Variants in NEBL observed in about 807,000 individuals in gnomAD.
The protein encoded by NEBL is nebulette, also known as LIM and SH3 protein 2.
A neutral mutation model predicts 140.2 loss-of-function variants in NEBL; 122 were observed. The observed-to-expected ratio is 0.87, with a 90% CI of 0.75 to 1.01. The LOEUF is 1.01. Ranked by LOEUF, NEBL falls within the 50% of genes least tolerant of loss-of-function variation. The pLI is 0.00. For synonymous variants in NEBL, 436 were observed against 398.9 expected, an observed-to-expected ratio of 1.09 and a Z score of -1.11; for missense variants, 1,365 against 1,231.3, an observed-to-expected ratio of 1.11 and a Z score of -1.62.
chr10:21,141,154 T>A (rs1020367698), intron 2 of NEBL, among the ~76,000 whole-genome samples: 2 of 151,814 alleles, frequency 1.3e-5, no homozygotes, highest in Non-Finnish European at 2.9e-5. Context: ...CAAAAAGACA[T>A]GAAACAATAA....
intron 3 of NEBL, among the ~76,000 whole-genome samples, chr10:21,192,135 T>C (rs991590033): frequency 2.0e-5 from 3 of 152,168 alleles, no homozygotes; most frequent in African/African-American, 7.2e-5. Context: ...GGCAATGCAA[T>C]TTCTAGACAC....
intron 4 of NEBL, among the ~76,000 whole-genome samples, chr10:20,920,552 C>A (rs1029222761): frequency 5.3e-5 from 8 of 152,102 alleles, no homozygotes; most frequent in African/African-American, 1.9e-4. Context: ...TGTAAATTAC[C>A]ATTTGGTTAA....
chr10:20,798,042 C>T (rs1015203017), intron 26 of NEBL, among the ~76,000 whole-genome samples: 1 of 150,572 alleles, frequency 6.6e-6, no homozygotes, highest in Admixed American at 6.6e-5. Flanking sequence ...GTTAGAGGTG[C>T]AGTGAGCTAG....
At position 20,926,468 on chromosome 10, in the gene NEBL, A is replaced by T. The variant is rs562379556; in HGVS notation, c.357+35204T>A. Reference sequence around the variant, plus strand: ...TATCAAACATTTTGGCTTATAAACCATGTGCCTGATGCTCTGCCTATACCT... The same window carrying T: ...TATCAAACATTTTGGCTTATAAACCTTGTGCCTGATGCTCTGCCTATACCT... On this transcript the variant is annotated intron_variant, in intron 4 of 6. Transcript: ENST00000417816. Among the ~76,000 whole-genome samples the T allele has an allele frequency of 3.3e-5, 5 of 152,312 alleles. No individual in the cohort carries two copies. In the East Asian group the frequency reaches 7.7e-4, roughly 24 times the overall value.
chr10:20,870,894 T>G (rs1296881233), intron 5 of NEBL, among the ~76,000 whole-genome samples: 1 of 152,194 alleles, frequency 6.6e-6, no homozygotes, highest in Non-Finnish European at 1.5e-5. Flanking sequence ...TGACTGACAA[T>G]TGGAAAGAGA....
At chr10:20,921,292 G>A (rs1413003631) in intron 4 of NEBL, among the ~76,000 whole-genome samples, 1 of 152,014 alleles carries the variant, frequency 6.6e-6, no homozygotes, top group African/African-American at 2.4e-5. Context: ...TTTGCCTCCG[G>A]CCCAGCTCCA....
chr10:20,994,663 G>A (rs376934491), intron 3 of NEBL, among the ~76,000 whole-genome samples: 16 of 152,246 alleles, frequency 1.1e-4, no homozygotes, highest in African/African-American at 3.6e-4. Context: ...GCTATTCACT[G>A]GAAGCTTTAC....
chr10:21,227,727 TTC>T (rs1488453012), intron 3 of NEBL, among the ~76,000 whole-genome samples: 25 of 111,752 alleles, frequency 2.2e-4, no homozygotes, highest in African/African-American at 7.4e-4. Flanking sequence ...CTTCTTCTTC[TTC>T]TTCTTCTTCT....
chr10:21,198,303 A>G (rs1030171997), intron 3 of NEBL, among the ~76,000 whole-genome samples: 15 of 152,174 alleles, frequency 9.9e-5, no homozygotes, highest in Non-Finnish European at 1.9e-4. Flanking sequence ...GACCTTTTCC[A>G]TATCTTTAGG....
intron 13 of NEBL, among the ~76,000 whole-genome samples, chr10:20,837,831 C>G (rs1841039781): frequency 6.6e-6 from 1 of 152,164 alleles, no homozygotes; most frequent in Admixed American, 6.5e-5. Context: ...TATGCTAAAT[C>G]TACTCTGCCT....
chr10:21,040,471 G>A (rs1435490998), intron 2 of NEBL, among the ~76,000 whole-genome samples: 6 of 152,200 alleles, frequency 3.9e-5, no homozygotes, highest in Non-Finnish European at 8.8e-5. Context: ...GGGGGAGCAG[G>A]TATGTTACCT....
At chr10:21,066,819 T>C (rs1835569544) in intron 2 of NEBL, among the ~76,000 whole-genome samples, 1 of 90,526 alleles carries the variant, frequency 1.1e-5, no homozygotes, top group South Asian at 4.3e-4. Flanking sequence ...TCTTACATTG[T>C]TCTGCGGTTT....
intron 2 of NEBL, among the ~76,000 whole-genome samples, chr10:21,085,499 G>A (rs982197032): frequency 6.6e-6 from 1 of 152,248 alleles, no homozygotes; most frequent in African/African-American, 2.4e-5. Context: ...GCCAAGCATA[G>A]TGGTGCACAC....
intron 2 of NEBL, among the ~76,000 whole-genome samples, chr10:21,104,495 A>G (rs907879556): frequency 2.6e-5 from 4 of 152,194 alleles, no homozygotes; most frequent in Admixed American, 6.5e-5. Flanking sequence ...TGATGCTATC[A>G]TAAATTGTAT....
intron 4 of NEBL, among the ~76,000 whole-genome samples, chr10:20,909,413 G>A (rs1848236698): frequency 6.6e-6 from 1 of 151,728 alleles, no homozygotes; most frequent in Non-Finnish European, 1.5e-5. Flanking sequence ...GTCTTTCTGG[G>A]TGGCACTCTT....
chr10:20,850,879 A>C (rs1271414919), intron 10 of NEBL, among the ~76,000 whole-genome samples: 1 of 152,198 alleles, frequency 6.6e-6, no homozygotes, highest in Non-Finnish European at 1.5e-5. Context: ...GGTTGCATTG[A>C]TGTCTATTGG....
chr10:20,800,062 G>A (rs1836964076), intron 26 of NEBL, among the ~76,000 whole-genome samples: 1 of 152,056 alleles, frequency 6.6e-6, no homozygotes. Flanking sequence ...CATGCTATAT[G>A]TTACATCTCT....
At chr10:20,888,230 A>G in intron 3 of NEBL, 23 bp from the exon 4 acceptor site, 1 of 1,340,530 alleles carries the variant, frequency 7.5e-7, no homozygotes, top group Non-Finnish European at 1.1e-6. Context: ...AAAACAGGAA[A>G]AAAATAAATA....
rs1036184588 is a variant in NEBL at position 20,804,057 on chromosome 10, T to C, written c.2761+4453A>G. 2.6e-5 allele frequency among the ~76,000 whole-genome samples: 4 copies of C among 152,190 alleles called. No individual in the cohort carries two copies. The East Asian group carries it at 7.7e-4, about 29-fold the overall frequency. On this transcript the variant is annotated intron_variant, in intron 26 of 27. Coordinates refer to ENST00000377122, the MANE Select transcript of NEBL (RefSeq NM_006393.3). ...GCCATTTTATTCCCTCTCCAAATAGTTGCTGAATGCCTATTCTAAGAGCTA... is the reference window on the plus strand; with the variant it reads ...GCCATTTTATTCCCTCTCCAAATAGCTGCTGAATGCCTATTCTAAGAGCTA...
Sources: gnomAD v4.1 joint callset for allele counts (sites outside exome capture counted in the v4.1 genomes callset) on GRCh38, gnomAD v4.1.1 for gene constraint, MANE v1.5 for transcripts, NCBI Gene and HGNC (gene_info 2026-07-23, HGNC 2026-07-21) for gene names.